Variants in CADPS2 observed in about 807,000 individuals in gnomAD.
The protein encoded by CADPS2 is calcium dependent secretion activator 2.
CADPS2 carries 93 observed loss-of-function variants against 172.5 expected under a neutral mutation model. The observed-to-expected ratio is 0.54, with a 90% CI of 0.46 to 0.64. CADPS2 has a LOEUF of 0.64. Among genes scored for constraint, CADPS2 ranks in the 30% least tolerant of loss-of-function variants. CADPS2 has a pLI of 0.00. For missense variants in CADPS2, 1,420 were observed against 1,565.9 expected (o/e 0.91, Z 1.57); for synonymous variants, 546 against 555.2 (o/e 0.98, Z 0.23).
intron 8 of CADPS2, among the ~76,000 whole-genome samples, chr7:122,527,621 T>A (rs112011234): frequency 0.24 from 18,347 of 77,678 alleles, 1,397 homozygotes; most frequent in African/African-American, 0.33. Flanking sequence ...AGAGAGAGTG[T>A]GTGTGTGTGT....
At chr7:122,479,887 T>C (rs2057088468) in intron 12 of CADPS2, among the ~76,000 whole-genome samples, 1 of 152,232 alleles carries the variant, frequency 6.6e-6, no homozygotes, top group South Asian at 2.1e-4. Flanking sequence ...AATAAACAGA[T>C]GGCAGCTTTT....
chr7:122,721,174 A>C (rs1300712831), intron 2 of CADPS2, among the ~76,000 whole-genome samples: 1 of 152,074 alleles, frequency 6.6e-6, no homozygotes, highest in Non-Finnish European at 1.5e-5. Context: ...GGACAATTCT[A>C]ATAATTAATT....
intron 4 of CADPS2, among the ~76,000 whole-genome samples, chr7:122,626,355 C>T (rs1275338117): frequency 6.6e-6 from 1 of 152,096 alleles, no homozygotes; most frequent in Non-Finnish European, 1.5e-5. Context: ...ATGGTAACAA[C>T]TGTCACATTC....
chr7:122,335,960 G>T (rs913436978), intron 28 of CADPS2, among the ~76,000 whole-genome samples: 4 of 152,128 alleles, frequency 2.6e-5, no homozygotes, highest in Non-Finnish European at 5.9e-5. Flanking sequence ...ATGTAGGTGA[G>T]GTACGGGTGA....
chr7:122,526,703 G>A (rs2061266867), intron 8 of CADPS2, among the ~76,000 whole-genome samples: 1 of 152,062 alleles, frequency 6.6e-6, no homozygotes, highest in Admixed American at 6.6e-5. Context: ...CGTCTTCTTA[G>A]CTCAACTATC....
intron 6 of CADPS2, among the ~76,000 whole-genome samples, chr7:122,584,147 C>T (rs902097483): frequency 2.6e-5 from 4 of 151,574 alleles, no homozygotes; most frequent in African/African-American, 9.7e-5. Flanking sequence ...TTGAAAAGTG[C>T]TATATTTTTA....
intron 9 of CADPS2, among the ~76,000 whole-genome samples, chr7:122,510,856 T>C (rs1049232806): frequency 2.0e-5 from 3 of 152,186 alleles, no homozygotes; most frequent in African/African-American, 7.2e-5. Flanking sequence ...TTTTGAAGTG[T>C]GTGCCCTCAA....
In CADPS2 at chr7:122,697,419, T is replaced by C. The variant is rs527883309; in HGVS notation, c.454-33850A>G. On this transcript the variant is annotated intron_variant, in intron 2 of 29. Transcript: ENST00000449022. ...GTTTTCAAACTTAATTGATACTTTC[T>C]GTATTAGAACATATTACATATCAGT... Among the ~76,000 whole-genome samples the C allele has an allele frequency of 5.1e-4, 77 of 152,210 alleles. 1 individual carries two copies. Among genetic ancestry groups the C allele is most frequent in the Non-Finnish European group, 9.8e-4 (67 of 68,026 alleles).
intron 3 of CADPS2, among the ~76,000 whole-genome samples, chr7:122,632,564 AT>A (rs1554677105): frequency 6.6e-6 from 1 of 151,538 alleles, no homozygotes; most frequent in Non-Finnish European, 1.5e-5. Flanking sequence ...ATTTTGCTTG[AT>A]TTAAGTTCCT....
At chr7:122,712,441 A>C (rs2088897019) in intron 2 of CADPS2, among the ~76,000 whole-genome samples, 1 of 152,172 alleles carries the variant, frequency 6.6e-6, no homozygotes, top group Non-Finnish European at 1.5e-5. Context: ...TCAAGACCCT[A>C]CTATGTGCAT....
chr7:122,571,898 TA>T (rs1490837413), intron 7 of CADPS2, among the ~76,000 whole-genome samples: 1 of 152,190 alleles, frequency 6.6e-6, no homozygotes, highest in African/African-American at 2.4e-5. Flanking sequence ...AGGAGTAGAT[TA>T]AAGATGTTTT....
chr7:122,546,675 C>A (rs552088698), intron 8 of CADPS2, among the ~76,000 whole-genome samples: 2 of 152,244 alleles, frequency 1.3e-5, no homozygotes, highest in Non-Finnish European at 2.9e-5. Flanking sequence ...GTTTATGTAA[C>A]CTTCTGCTCC....
chr7:122,412,626 T>C (rs2047442628), intron 19 of CADPS2, among the ~76,000 whole-genome samples: 1 of 152,204 alleles, frequency 6.6e-6, no homozygotes, highest in Non-Finnish European at 1.5e-5. Flanking sequence ...AACAACCTTC[T>C]TGCCCACGGT....
intron 9 of CADPS2, among the ~76,000 whole-genome samples, chr7:122,507,637 A>G (rs2130689067): frequency 6.6e-6 from 1 of 152,314 alleles, no homozygotes; most frequent in East Asian, 1.9e-4. Flanking sequence ...TCCCTGGAAG[A>G]ATTTAAGCAG....
chr7:122,420,844 C>T (rs148010784), intron 17 of CADPS2: 16 of 152,268 alleles, frequency 1.1e-4, no homozygotes, highest in African/African-American at 3.1e-4. Flanking sequence ...TGTAACACTC[C>T]TTGGCTCATT....
chr7:122,603,683 G>A (rs1360396665), intron 6 of CADPS2, among the ~76,000 whole-genome samples: 2 of 151,954 alleles, frequency 1.3e-5, no homozygotes, highest in Non-Finnish European at 2.9e-5. Flanking sequence ...GGCAAAGCTA[G>A]GATTTATACT....
intron 3 of CADPS2, among the ~76,000 whole-genome samples, chr7:122,655,086 T>C (rs1347770843): frequency 2.6e-5 from 4 of 152,176 alleles, no homozygotes; most frequent in African/African-American, 9.6e-5. Flanking sequence ...ATGATAAAAC[T>C]TGAATGGATG....
At chr7:122,580,461 A>AAC (rs1360703025) in intron 7 of CADPS2, among the ~76,000 whole-genome samples, 23 of 151,810 alleles carry the variant, frequency 1.5e-4, no homozygotes, top group African/African-American at 5.3e-4. Context: ...TCAAAAAAAA[A>AAC]AAAAAACCCA....
At chr7:122,327,246 T>G (rs2034049247) in intron 28 of CADPS2, among the ~76,000 whole-genome samples, 1 of 152,102 alleles carries the variant, frequency 6.6e-6, no homozygotes, top group African/African-American at 2.4e-5. Context: ...TTTCAAATAA[T>G]TTACAGCTTC....
Sources: gnomAD v4.1 joint callset for allele counts (sites outside exome capture counted in the v4.1 genomes callset) on GRCh38, gnomAD v4.1.1 for gene constraint, MANE v1.5 for transcripts, NCBI Gene and HGNC (gene_info 2026-07-23, HGNC 2026-07-21) for gene names.